Variants in TMC2 observed in about 807,000 individuals in gnomAD.
The protein encoded by TMC2 is transmembrane channel-like protein 2.
In TMC2, 102 loss-of-function variants were observed where a neutral mutation model predicts 105.9. The observed-to-expected ratio is 0.96, with a 90% CI of 0.82 to 1.14. The LOEUF (loss-of-function observed/expected upper bound fraction) is 1.14, where lower values mean the gene tolerates loss of function less well. TMC2 is among the 50% of genes most tolerant of loss of function. TMC2 has a pLI of 0.00. For missense variants in TMC2, 1,093 were observed against 1,134.3 expected, an observed-to-expected ratio of 0.96 and a Z score of 0.52; for synonymous variants, 402 against 422.8, an observed-to-expected ratio of 0.95 and a Z score of 0.60.
chr20:2,616,427 T>G lies in TMC2; in HGVS notation c.1940+223T>G, dbSNP rs4544508. ...AGAAGTAGAGAGAAAGGGAGAGGGG[T>G]TGGTGGAGGAGAAAAGGAAAAGGAA... On this transcript the variant is annotated intron_variant, in intron 15 of 19. Coordinates refer to ENST00000358864, the MANE Select transcript of TMC2 (RefSeq NM_080751.3). This position sits in a 1 kb window ranked among gnomAD's most constrained non-coding sequence, Gnocchi z 4.8. Among the ~76,000 whole-genome samples, 119,671 of 151,252 alleles carry G rather than the reference T, an allele frequency of 0.79. 47,453 individuals carry two copies. The highest frequency in any genetic ancestry group is 0.87 in the East Asian group (4,441 of 5,132).
chr20:2,573,762 G>A (rs930901593), intron 5 of TMC2, among the ~76,000 whole-genome samples: 7 of 150,034 alleles, frequency 4.7e-5, no homozygotes, highest in African/African-American at 9.9e-5. Context: ...GGGTTTCACC[G>A]TGTTAGCCAG....
intron 17 of TMC2, among the ~76,000 whole-genome samples, chr20:2,631,314 T>C (rs991101544): frequency 2.6e-5 from 4 of 152,232 alleles, no homozygotes; most frequent in African/African-American, 7.2e-5. Context: ...AAAGACTACA[T>C]TGATACTAGC....
chr20:2,565,579 A>AC (rs1266573638), intron 4 of TMC2, among the ~76,000 whole-genome samples: 1 of 151,932 alleles, frequency 6.6e-6, no homozygotes, highest in Non-Finnish European at 1.5e-5. Context: ...CGAGAACGCA[A>AC]CCCCTTTGCT....
chr20:2,543,790 A>T (rs1449378787), intron 2 of TMC2, among the ~76,000 whole-genome samples: 2 of 152,158 alleles, frequency 1.3e-5, no homozygotes, highest in Admixed American at 1.3e-4. Context: ...AGCCATCAGT[A>T]TGTCAATCTA....
chr20:2,577,771 G>A (rs1385396276), intron 5 of TMC2, among the ~76,000 whole-genome samples: 40 of 152,152 alleles, frequency 2.6e-4, no homozygotes, highest in African/African-American at 4.8e-5. Context: ...AAAATTAGCC[G>A]AATGTGGTGG....
At chr20:2,564,428 G>C (rs1318128984) in intron 4 of TMC2, among the ~76,000 whole-genome samples, 1 of 151,776 alleles carries the variant, frequency 6.6e-6, no homozygotes, top group Non-Finnish European at 1.5e-5. Flanking sequence ...GAGATTACAG[G>C]CATGAGCCAC....
chr20:2,589,327 G>C (rs2086253360), intron 7 of TMC2, among the ~76,000 whole-genome samples: 1 of 42,822 alleles, frequency 2.3e-5, no homozygotes, highest in Non-Finnish European at 4.5e-5. Flanking sequence ...TGTGTGTGGA[G>C]ATGGGGTTTT....
At chr20:2,560,076 A>T (rs988314710) in intron 3 of TMC2, among the ~76,000 whole-genome samples, 1 of 152,156 alleles carries the variant, frequency 6.6e-6, no homozygotes, top group Non-Finnish European at 1.5e-5. Flanking sequence ...GACTTGATGG[A>T]GCGCTGAATT....
rs1339352643 is a variant in TMC2, at chr20:2,637,552, A to T, written c.2464A>T (p.Ser822Cys). The change falls in exon 19 of 20, where the codon AGC becomes TGC. Residue 822 changes from serine to cysteine, a missense_variant. Physicochemically the swap from Ser to Cys is moderately radical, Grantham distance 112 (BLOSUM62 -1). Transcript: ENST00000358864. ...AGATTCAGAGGACACACCTAAAAGC[A>T]GCTCCAAAAATGCCACCCAGCTCCA... ...ARDSEDTPKS[S>C]SKNATQLQLT... The T allele has an allele frequency of 1.9e-6, 3 of 1,614,118 alleles. No homozygotes were observed. The highest frequency in any genetic ancestry group is 4.5e-5 in the East Asian group (2 of 44,880).
At chr20:2,594,430 G>T (rs757227263) in intron 8 of TMC2, among the ~76,000 whole-genome samples, 1 of 152,000 alleles carries the variant, frequency 6.6e-6, no homozygotes, top group Non-Finnish European at 1.5e-5. Context: ...GTTTCACTAC[G>T]TTAGCCAGGT....
intron 2 of TMC2, among the ~76,000 whole-genome samples, chr20:2,542,595 C>T (rs1454122761): frequency 6.6e-6 from 1 of 152,110 alleles, no homozygotes; most frequent in Non-Finnish European, 1.5e-5. Context: ...TAGTCTCCTT[C>T]ATAAACATCA....
intron 18 of TMC2, among the ~76,000 whole-genome samples, chr20:2,637,092 C>A (rs1215950063): frequency 6.6e-6 from 1 of 151,940 alleles, no homozygotes; most frequent in Non-Finnish European, 1.5e-5. Flanking sequence ...AGATAGACAC[C>A]AAGAACTGAA....
intron 11 of TMC2, among the ~76,000 whole-genome samples, chr20:2,608,359 G>A (rs1170518544): frequency 6.8e-6 from 1 of 146,510 alleles, no homozygotes; most frequent in Non-Finnish European, 1.5e-5. Context: ...ATGAAGTCTT[G>A]CTCTGTCATC....
intron 4 of TMC2, among the ~76,000 whole-genome samples, chr20:2,565,016 G>A (rs936684786): frequency 6.6e-6 from 1 of 152,112 alleles, no homozygotes; most frequent in South Asian, 2.1e-4. Flanking sequence ...TGTAAGACTC[G>A]GGCCAAGTGC....
Position 2,616,327 on chromosome 20 carries a change from C to G in TMC2, c.1940+123C>G. The G allele has an allele frequency of 1.3e-6, 1 of 746,544 alleles. No homozygotes were observed. The highest frequency in any genetic ancestry group is 2.4e-6 in the Non-Finnish European group (1 of 422,634). 46.2% of individuals were successfully genotyped at this position (746,544 alleles called of 1,614,324 possible). A position where few individuals can be genotyped will look rare whatever the true frequency, so the allele number is the denominator to read the frequency against. On this transcript the variant is annotated intron_variant, in intron 15 of 19. Transcript: ENST00000358864. The surrounding 1 kb of genome is among the most constrained non-coding windows in gnomAD (Gnocchi z 4.8). ...AGTCCTCTTGCCTCTCTGAACTCCC[C>G]TCTTTCACATGAAAAATCAAGAGCG...
rs541096896 is a variant in TMC2, at chr20:2,577,071, C to T, written c.646-2075C>T. 1.8e-4 allele frequency among the ~76,000 whole-genome samples: 28 copies of T among 152,140 alleles called. No individual in the cohort carries two copies. The East Asian group carries it at 5.0e-3, about 27-fold the overall frequency. ...TACAGGTGCCTGCCACCACGCCCAGCTAAGTATTGTATTTTTAGTAGAGAC... is the reference window on the plus strand; with the variant it reads ...TACAGGTGCCTGCCACCACGCCCAGTTAAGTATTGTATTTTTAGTAGAGAC... On this transcript the variant is annotated intron_variant, in intron 5 of 19. Transcript: ENST00000358864.
intron 2 of TMC2, among the ~76,000 whole-genome samples, chr20:2,547,753 C>T (rs569474497): frequency 6.6e-6 from 1 of 152,268 alleles, no homozygotes; most frequent in East Asian, 1.9e-4. Context: ...GGCAATAAAA[C>T]ATTTAAAATA....
rs1270813337 is a variant in TMC2 at position 2,579,954 on chromosome 20, CTT to C, written c.734_735del (p.Phe245TrpfsTer18). 6.2e-7 allele frequency: 1 copy of C among 1,612,718 alleles called. No individual in the cohort carries two copies. The highest frequency in any genetic ancestry group is 8.5e-7 in the Non-Finnish European group (1 of 1,178,912). On this transcript the variant is annotated frameshift_variant, in exon 7 of 20. Transcript: ENST00000358864. LOFTEE classifies it high-confidence loss of function. ...EMKIKDIESH[F>X]GSSVASYFIF... The stretch of plus-strand genomic sequence containing the variant: ...CACCGTCTTTTCTCTCTCTAGGTCA[CTT>C]TGGTTCTTCAGTGGCATCGTATTTC...
At chr20:2,597,494 C>T (rs1433363548) in intron 10 of TMC2, among the ~76,000 whole-genome samples, 196 bp downstream of exon 10, 4 of 152,036 alleles carry the variant, frequency 2.6e-5, no homozygotes, top group Admixed American at 2.6e-4. Flanking sequence ...TGTTTCTTTT[C>T]TTTTCTTTTT....
Sources: allele counts gnomAD v4.1 joint callset (sites outside exome capture counted in the v4.1 genomes callset), GRCh38; gene constraint gnomAD v4.1.1; non-coding constraint Gnocchi (gnomAD v3.1); transcripts MANE v1.5; gene names NCBI Gene and HGNC (gene_info 2026-07-23, HGNC 2026-07-21).